The following PAMR1 variants were observed in gnomAD, a reference collection of about 807,000 sequenced individuals.
PAMR1 encodes the protein inactive serine protease PAMR1.
In PAMR1, 88 loss-of-function variants were observed where a neutral mutation model predicts 81.8. The ratio of observed to expected loss-of-function variants is 1.08; its 90% CI spans 0.91 to 1.28. PAMR1 has a LOEUF of 1.28. PAMR1 is among the 50% of genes most tolerant of loss of function. The pLI is 0.00. For missense variants in PAMR1, 935 were observed against 919.7 expected (o/e 1.02, Z -0.21); for synonymous variants, 336 against 345.3 (o/e 0.97, Z 0.30).
chr11:35,462,395 TA>T (rs376249213), intron 6 of PAMR1, among the ~76,000 whole-genome samples: 41 of 152,220 alleles, frequency 2.7e-4, no homozygotes, highest in African/African-American at 9.2e-4. Flanking sequence ...CTTGTCCTTT[TA>T]AAAACAGATC....
chr11:35,450,876 A>T (rs1288594935), intron 6 of PAMR1, among the ~76,000 whole-genome samples: 1 of 152,208 alleles, frequency 6.6e-6, no homozygotes, highest in Admixed American at 6.5e-5. Context: ...AGGGCTGCCT[A>T]CTTCTAGCAG....
At chr11:35,448,621 C>A (rs555070671) in intron 6 of PAMR1, among the ~76,000 whole-genome samples, 1 of 152,192 alleles carries the variant, frequency 6.6e-6, no homozygotes, top group Non-Finnish European at 1.5e-5. Flanking sequence ...TATTACTTAC[C>A]TTTTGAAGCC....
rs141708091 is a variant in PAMR1 at position 35,488,757 on chromosome 11, G to A, written c.379+3288C>T. Among the ~76,000 whole-genome samples, 502 of 127,252 alleles carry A rather than the reference G, an allele frequency of 3.9e-3. 1 individual carries two copies. The highest frequency in any genetic ancestry group is 0.013 in the African/African-American group (456 of 34,270). 83.5% of individuals were successfully genotyped at this position (127,252 alleles called of 152,430 possible). On this transcript the variant is annotated intron_variant, in intron 3 of 10. Coordinates refer to ENST00000619888, the MANE Select transcript of PAMR1 (RefSeq NM_001001991.3). ...CATAGCTAATTTTGTATTGTTTGTA[G>A]AGACAGGGTTTCACCATGTTGCTCA...
In PAMR1 at chr11:35,436,151, T is replaced by C. The variant is rs1856039496; in HGVS notation, c.1101-16A>G. The C allele has an allele frequency of 6.4e-7, 1 of 1,563,466 alleles. No homozygotes were observed. The highest frequency in any genetic ancestry group is 8.8e-7 in the Non-Finnish European group (1 of 1,134,538). ...TGGTGTCTCCCTGGGTCAGGAAACA[T>C]GGGCCCAGAGAAAGAGCAGGGTGAG... On this transcript the variant is annotated splice_polypyrimidine_tract_variant and intron_variant, in intron 8 of 10. Coordinates refer to ENST00000619888, the MANE Select transcript of PAMR1 (RefSeq NM_001001991.3).
intron 1 of PAMR1, among the ~76,000 whole-genome samples, chr11:35,515,943 C>T (rs1419456025): frequency 2.0e-5 from 3 of 152,064 alleles, no homozygotes; most frequent in African/African-American, 4.8e-5. Context: ...AAACTATAGA[C>T]GAAAACACCC....
rs756190478 is a variant in PAMR1, at chr11:35,470,456, CT to C, written c.712+144del. 4.2e-4 allele frequency: 272 copies of C among 649,174 alleles called. 1 individual carries two copies. Among genetic ancestry groups the C allele is most frequent in the Middle Eastern group, 7.8e-4 (3 of 3,830 alleles). The allele number at this position is 649,174 out of a possible 1,614,324, so 40.2% of individuals were successfully genotyped here. On this transcript the variant is annotated intron_variant, in intron 5 of 10. Coordinates refer to ENST00000619888, the MANE Select transcript of PAMR1 (RefSeq NM_001001991.3). ...TTTTCTGAAATATACCTTGCTATTT[CT>C]TTTTTCTCAGTGTGTAGGCTGTTTC...
At chr11:35,436,398 C>A (rs147793183) in intron 8 of PAMR1, among the ~76,000 whole-genome samples, 2,500 of 152,152 alleles carry the variant, frequency 0.016, 65 homozygotes, top group African/African-American at 0.057. Context: ...AATTCTTGTG[C>A]CTCAGCCTCC....
At position 35,442,771 on chromosome 11, in the gene PAMR1, T is replaced by C. The variant is rs546381019; in HGVS notation, c.821-1078A>G. 7.9e-5 allele frequency among the ~76,000 whole-genome samples: 12 copies of C among 151,876 alleles called. No homozygotes were observed. In the East Asian group the frequency reaches 2.3e-3, roughly 29 times the overall value. On this transcript the variant is annotated intron_variant, in intron 6 of 10. Coordinates refer to ENST00000619888, the MANE Select transcript of PAMR1 (RefSeq NM_001001991.3). Reference sequence around the variant, plus strand: ...GGACCACAGGCACACACCAGCTAATTTTTGTATTTTTAGTAGAGATGGGGT... The same window carrying C: ...GGACCACAGGCACACACCAGCTAATCTTTGTATTTTTAGTAGAGATGGGGT...
chr11:35,440,262 A>G (rs967636290), intron 7 of PAMR1, among the ~76,000 whole-genome samples: 1 of 152,186 alleles, frequency 6.6e-6, no homozygotes, highest in African/African-American at 2.4e-5. Context: ...CACTTTCCCA[A>G]TCAGGCAGCC....
chr11:35,485,406 T>C (rs1346913547), intron 3 of PAMR1, among the ~76,000 whole-genome samples: 1 of 151,868 alleles, frequency 6.6e-6, no homozygotes, highest in Non-Finnish European at 1.5e-5. Context: ...CATTAAAGAG[T>C]GGAGAAAGGT....
chr11:35,469,298 T>G (rs1462576621), intron 5 of PAMR1, among the ~76,000 whole-genome samples: 4 of 152,178 alleles, frequency 2.6e-5, no homozygotes, highest in Non-Finnish European at 5.9e-5. Context: ...CACAGGCCAG[T>G]ATTGCCAAAG....
intron 7 of PAMR1, 151 bp downstream of exon 7, chr11:35,441,330 G>T: frequency 1.6e-6 from 1 of 643,076 alleles, no homozygotes; most frequent in Non-Finnish European, 2.7e-6. Flanking sequence ...AATATTTTTA[G>T]GATGGTTTCC....
chr11:35,469,052 G>A (rs759659992), intron 5 of PAMR1, among the ~76,000 whole-genome samples: 22 of 152,250 alleles, frequency 1.4e-4, no homozygotes, highest in Non-Finnish European at 2.5e-4. Context: ...AGTGTATTAC[G>A]AAGAAAGAAG....
intron 3 of PAMR1, among the ~76,000 whole-genome samples, chr11:35,488,836 T>C (rs1850563279): frequency 6.6e-6 from 1 of 152,126 alleles, no homozygotes. Context: ...CCTCCCAAAG[T>C]GCTGGGCTTT....
chr11:35,506,819 G>A (rs976871470), intron 1 of PAMR1, among the ~76,000 whole-genome samples: 3 of 150,746 alleles, frequency 2.0e-5, no homozygotes, highest in African/African-American at 7.3e-5. Flanking sequence ...GGTGTTCTCT[G>A]ACCTTCCTGC....
At chr11:35,503,046 C>T (rs1256159093) in intron 1 of PAMR1, among the ~76,000 whole-genome samples, 3 of 152,138 alleles carry the variant, frequency 2.0e-5, no homozygotes, top group Non-Finnish European at 4.4e-5. Context: ...TTTCATACTT[C>T]TGCATATACA....
chr11:35,487,524 G>C (rs1035248060), intron 3 of PAMR1, among the ~76,000 whole-genome samples: 2 of 152,322 alleles, frequency 1.3e-5, no homozygotes, highest in African/African-American at 2.4e-5. Flanking sequence ...CGTCCTAACT[G>C]ACTGCATCAC....
chr11:35,515,840 C>CT (rs11372909), intron 1 of PAMR1, among the ~76,000 whole-genome samples: 53,165 of 151,208 alleles, frequency 0.35, 9,738 homozygotes, highest in East Asian at 0.61. Context: ...TTGGGATTCT[C>CT]TTTTTTTTTC....
At chr11:35,470,896 G>GTTCCTC in intron 4 of PAMR1, 78 bp from the exon 5 acceptor site, 1 of 974,034 alleles carries the variant, frequency 1.0e-6, no homozygotes, top group Non-Finnish European at 1.6e-6. Flanking sequence ...TTCAAGGCCA[G>GTTCCTC]ATGAGGAACA....
Sources: allele counts gnomAD v4.1 joint callset (sites outside exome capture counted in the v4.1 genomes callset), GRCh38; gene constraint gnomAD v4.1.1; transcripts MANE v1.5; gene names NCBI Gene and HGNC (gene_info 2026-07-23, HGNC 2026-07-21).